ZNF385B: variants seen among roughly 807,000 people sequenced by gnomAD.
The protein encoded by ZNF385B is zinc finger protein 385B, also known as zinc finger protein 533.
A neutral mutation model predicts 39.2 loss-of-function variants in ZNF385B; 23 were observed. The ratio of observed to expected loss-of-function variants is 0.59; its 90% confidence interval spans 0.42 to 0.83. The LOEUF is 0.83. Ranked by LOEUF, ZNF385B falls within the 40% of genes least tolerant of loss-of-function variation. The pLI is 0.00. For synonymous variants in ZNF385B, 205 were observed against 222.6 expected (o/e 0.92, Z 0.70); for missense variants, 552 against 598.9 (o/e 0.92, Z 0.82).
intron 6 of ZNF385B, among the ~76,000 whole-genome samples, chr2:179,481,866 C>A (rs1174854344): frequency 6.6e-6 from 1 of 152,076 alleles, no homozygotes; most frequent in Non-Finnish European, 1.5e-5. Flanking sequence ...GTGTACCTCA[C>A]CAGTTTGCAA....
At chr2:179,838,027 C>G (rs1357088854) in intron 1 of ZNF385B, among the ~76,000 whole-genome samples, 1 of 151,366 alleles carries the variant, frequency 6.6e-6, no homozygotes, top group Non-Finnish European at 1.5e-5. Context: ...GCACAATATA[C>G]CTACAATTTA....
intron 6 of ZNF385B, among the ~76,000 whole-genome samples, chr2:179,469,615 A>G (rs182037118): frequency 6.6e-6 from 1 of 152,304 alleles, no homozygotes; most frequent in East Asian, 1.9e-4. Flanking sequence ...CATTTTACCC[A>G]GGAAAAGGAT....
intron 3 of ZNF385B, among the ~76,000 whole-genome samples, chr2:179,580,134 C>T (rs926157240): frequency 6.6e-6 from 1 of 152,096 alleles, no homozygotes; most frequent in Non-Finnish European, 1.5e-5. Flanking sequence ...TGCACCATCC[C>T]AATCATTTTC....
intron 3 of ZNF385B, among the ~76,000 whole-genome samples, chr2:179,631,733 T>A (rs910805486): frequency 1.3e-5 from 2 of 152,020 alleles, no homozygotes; most frequent in African/African-American, 4.8e-5. Flanking sequence ...GCAAATTGGA[T>A]AAAGAGTCAA....
chr2:179,847,390 ATAAT>A (rs1354145384), intron 1 of ZNF385B, among the ~76,000 whole-genome samples: 1 of 152,240 alleles, frequency 6.6e-6, no homozygotes, highest in Non-Finnish European at 1.5e-5. Context: ...TATATAGTTC[ATAAT>A]TAATACAATT....
At chr2:179,722,984 G>A (rs1249432351) in intron 3 of ZNF385B, among the ~76,000 whole-genome samples, 2 of 152,164 alleles carry the variant, frequency 1.3e-5, no homozygotes, top group African/African-American at 4.8e-5. Flanking sequence ...CCAGGGATAT[G>A]CAAATTAAAT....
At chr2:179,697,521 C>T (rs941406330) in intron 3 of ZNF385B, among the ~76,000 whole-genome samples, 1 of 152,126 alleles carries the variant, frequency 6.6e-6, no homozygotes, top group Non-Finnish European at 1.5e-5. Context: ...TCAGTTAAAC[C>T]TTTTTCCTTT....
intron 3 of ZNF385B, among the ~76,000 whole-genome samples, chr2:179,581,071 A>G (rs1270347347): frequency 6.6e-6 from 1 of 152,236 alleles, no homozygotes; most frequent in Non-Finnish European, 1.5e-5. Context: ...AACCAAACCA[A>G]GAAAAATGGA....
rs2053279391 is a variant in ZNF385B, at chr2:179,475,256, T to TA, written c.715+8015_715+8016insT. Among the ~76,000 whole-genome samples the TA allele has an allele frequency of 3.3e-5, 5 of 150,448 alleles. No homozygotes were observed. The East Asian group carries it at 5.9e-4, about 18-fold the overall frequency. On this transcript the variant is annotated intron_variant, in intron 6 of 9. Transcript: ENST00000410066. ...ACCATTTCCATTATCGCACAATTTTTTTTTTTTTTTTTTTGACAGAATCTC... is the reference window on the plus strand; with the variant it reads ...ACCATTTCCATTATCGCACAATTTTTATTTTTTTTTTTTTTGACAGAATCTC...
intron 3 of ZNF385B, among the ~76,000 whole-genome samples, chr2:179,740,225 T>C (rs1266238016): frequency 6.6e-6 from 1 of 152,124 alleles, no homozygotes; most frequent in African/African-American, 2.4e-5. Flanking sequence ...AAACCACCAC[T>C]AATGGAAAAT....
At chr2:179,806,007 A>G (rs1706324893) in intron 1 of ZNF385B, among the ~76,000 whole-genome samples, 1 of 152,240 alleles carries the variant, frequency 6.6e-6, no homozygotes, top group East Asian at 1.9e-4. Context: ...AGCTTGGCTT[A>G]CAGGGAAAAA....
intron 1 of ZNF385B, among the ~76,000 whole-genome samples, chr2:179,831,949 A>C (rs1170990545): frequency 1.3e-5 from 2 of 152,236 alleles, no homozygotes; most frequent in Non-Finnish European, 2.9e-5. Flanking sequence ...ACAGAAAGAA[A>C]TAGTTCAGGC....
intron 6 of ZNF385B, among the ~76,000 whole-genome samples, chr2:179,474,992 G>C (rs1351580136): frequency 6.6e-6 from 1 of 152,192 alleles, no homozygotes; most frequent in Admixed American, 6.5e-5. Flanking sequence ...GAGGGGCTCA[G>C]AGAATTGAGT....
At chr2:179,795,914 C>A (rs755165031) in intron 1 of ZNF385B, among the ~76,000 whole-genome samples, 1 of 152,102 alleles carries the variant, frequency 6.6e-6, no homozygotes, top group Non-Finnish European at 1.5e-5. Flanking sequence ...TATCTCCAGT[C>A]ATAAAGGTAA....
chr2:179,488,157 T>C (rs544192472), intron 5 of ZNF385B, among the ~76,000 whole-genome samples: 20 of 152,320 alleles, frequency 1.3e-4, no homozygotes, highest in Non-Finnish European at 2.2e-4. Context: ...CTTTTCTTTT[T>C]TTTTTGAGAC....
chr2:179,664,805 G>A (rs1161060250), intron 3 of ZNF385B, among the ~76,000 whole-genome samples: 4 of 151,996 alleles, frequency 2.6e-5, no homozygotes, highest in Non-Finnish European at 5.9e-5. Flanking sequence ...AAATGTTTGT[G>A]CACATTTACA....
intron 3 of ZNF385B, among the ~76,000 whole-genome samples, chr2:179,763,741 A>G (rs1260074348): frequency 6.6e-6 from 1 of 152,118 alleles, no homozygotes; most frequent in Non-Finnish European, 1.5e-5. Flanking sequence ...TCTTTGATTC[A>G]TAGATTATTT....
chr2:179,656,240 T>A (rs942944462), intron 3 of ZNF385B, among the ~76,000 whole-genome samples: 1 of 152,124 alleles, frequency 6.6e-6, no homozygotes, highest in African/African-American at 2.4e-5. Context: ...GTATTTATTA[T>A]ACAGTAGGCA....
chr2:179,767,553 GTTA>G (rs2106499849), intron 3 of ZNF385B, among the ~76,000 whole-genome samples: 1 of 152,278 alleles, frequency 6.6e-6, no homozygotes, highest in South Asian at 2.1e-4. Context: ...TTGAGAGAGT[GTTA>G]AGAGAGTTGC....
Sources: gnomAD v4.1 joint callset for allele counts (sites outside exome capture counted in the v4.1 genomes callset) on GRCh38, gnomAD v4.1.1 for gene constraint, MANE v1.5 for transcripts, NCBI Gene and HGNC (gene_info 2026-07-23, HGNC 2026-07-21) for gene names.